The following DCDC2C variants were observed in gnomAD, a reference collection of about 807,000 sequenced individuals.
The protein encoded by DCDC2C is doublecortin domain containing 2C.
Under a neutral mutation model 45.0 loss-of-function variants are expected in DCDC2C, and 44 were observed. The ratio of observed to expected loss-of-function variants is 0.98; its 90% confidence interval spans 0.77 to 1.26. The LOEUF (loss-of-function observed/expected upper bound fraction) is 1.26, where lower values mean the gene tolerates loss of function less well. Among genes scored for constraint, DCDC2C ranks in the 50% most tolerant of loss-of-function variants. The pLI, the probability that DCDC2C is intolerant of heterozygous loss-of-function variation, is 0.00. For synonymous variants in DCDC2C, 187 were observed against 178.8 expected (o/e 1.05, Z -0.37); for missense variants, 447 against 468.9 (o/e 0.95, Z 0.43).
intron 8 of DCDC2C, among the ~76,000 whole-genome samples, chr2:3,777,880 C>T (rs1488523472): frequency 6.6e-6 from 1 of 152,254 alleles, no homozygotes; most frequent in African/African-American, 2.4e-5. Flanking sequence ...CTTCTCTGCC[C>T]ACTGTGACTC....
intron 7 of DCDC2C, 189 bp from the exon 8 acceptor site, chr2:3,769,122 G>A (rs1298617048): frequency 1.4e-5 from 8 of 564,648 alleles, no homozygotes; most frequent in Non-Finnish European, 1.6e-5. Flanking sequence ...TGAGCACCTT[G>A]GCAGATGCAA....
At chr2:3,833,551 A>T (rs1672002390) in intron 10 of DCDC2C, among the ~76,000 whole-genome samples, 1 of 152,130 alleles carries the variant, frequency 6.6e-6, no homozygotes, top group Non-Finnish European at 1.5e-5. Flanking sequence ...CTTTCAAAAT[A>T]TTGGCTCACC....
rs1001250843 is a variant in DCDC2C, at chr2:3,752,813, A to G, written c.596A>G (p.Asp199Gly). The stretch of plus-strand genomic sequence containing the variant: ...TTGGGCGACTCAAAGGATTTGCAAG[A>G]CAATCACTTTTATGTTGCTGTGGGA... ...HLLGDSKDLQ[D>G]NHFYVAVGLE... is the part of the protein sequence containing the mutation. Residue 199 changes from aspartate to glycine, a missense_variant, in exon 5 of 11, where the codon GAC becomes GGC. Asp to Gly is a moderately conservative substitution (Grantham distance 94). Coordinates refer to ENST00000399143, the MANE Select transcript of DCDC2C (RefSeq NM_001287444.2). The G allele has an allele frequency of 2.6e-6, 4 of 1,550,380 alleles. No homozygotes were observed. In the African/African-American group the frequency reaches 4.1e-5, roughly 16 times the overall value.
intron 10 of DCDC2C, among the ~76,000 whole-genome samples, chr2:3,799,530 G>A (rs1260554955): frequency 6.6e-5 from 10 of 152,034 alleles, no homozygotes; most frequent in Non-Finnish European, 1.5e-4. Flanking sequence ...TGATGGTGAT[G>A]TACAGATGGG....
intron 10 of DCDC2C, among the ~76,000 whole-genome samples, chr2:3,813,815 A>T (rs544095626): frequency 1.4e-5 from 2 of 147,722 alleles, no homozygotes; most frequent in South Asian, 2.1e-4. Flanking sequence ...GTCTTTGCAC[A>T]TGAGATAGGT....
At chr2:3,741,674 G>C (rs557110695) in intron 3 of DCDC2C, among the ~76,000 whole-genome samples, 2 of 151,226 alleles carry the variant, frequency 1.3e-5, no homozygotes, top group South Asian at 4.2e-4. Flanking sequence ...TGTGGTTTTC[G>C]TCTACAACAA....
chr2:3,774,225 C>T lies in DCDC2C; in HGVS notation c.955-4591C>T, dbSNP rs150118033. Among the ~76,000 whole-genome samples the T allele has an allele frequency of 9.7e-3, 1,477 of 152,304 alleles. 33 individuals carry two copies. The highest frequency in any genetic ancestry group is 0.034 in the African/African-American group (1,409 of 41,554). The stretch of plus-strand genomic sequence containing the variant: ...AACTCAGACGGAGGCCACTGAGATC[C>T]TTGGGGTGTTGGCTTTAATGAATAA... On this transcript the variant is annotated intron_variant, in intron 8 of 10. Transcript: ENST00000399143.
intron 10 of DCDC2C, among the ~76,000 whole-genome samples, chr2:3,841,509 T>C (rs941383880): frequency 1.4e-5 from 2 of 147,134 alleles, no homozygotes; most frequent in African/African-American, 2.5e-5. Flanking sequence ...GGAGTGCTTA[T>C]GTGTGGGACT....
chr2:3,814,877 A>C lies in DCDC2C; in HGVS notation c.1065+29777A>C, dbSNP rs115863148. On this transcript the variant is annotated intron_variant, in intron 10 of 10. Coordinates refer to ENST00000399143, the MANE Select transcript of DCDC2C (RefSeq NM_001287444.2). Reference sequence around the variant, plus strand: ...TAGGGGACAAGTCTTGGGACCAAGCATCCAGCTTCCCTGGCTCCATCAGGG... The same window carrying C: ...TAGGGGACAAGTCTTGGGACCAAGCCTCCAGCTTCCCTGGCTCCATCAGGG... Among the ~76,000 whole-genome samples the C allele has an allele frequency of 7.4e-3, 1,127 of 152,374 alleles. 13 individuals are homozygous for C. The highest frequency in any genetic ancestry group is 0.026 in the African/African-American group (1,082 of 41,592).
intron 6 of DCDC2C, 150 bp from the exon 7 acceptor site, chr2:3,767,604 T>A: frequency 2.5e-6 from 2 of 801,212 alleles, no homozygotes; most frequent in East Asian, 5.8e-5. Flanking sequence ...AGAGGTTGCA[T>A]TCGAAGTGAG....
chr2:3,778,521 TGGTGTCCCAA>T (rs1170387524), intron 8 of DCDC2C, among the ~76,000 whole-genome samples: 3 of 152,212 alleles, frequency 2.0e-5, no homozygotes, highest in African/African-American at 7.2e-5. Context: ...GGGGTCCTCA[TGGTGTCCCAA>T]GAATTACAAA....
At chr2:3,729,913 GAC>G (rs1668812554) in intron 3 of DCDC2C, among the ~76,000 whole-genome samples, 2 of 152,282 alleles carry the variant, frequency 1.3e-5, no homozygotes, top group African/African-American at 4.8e-5. Flanking sequence ...CAGGAGTTGG[GAC>G]AGAGTTGTCA....
intron 3 of DCDC2C, among the ~76,000 whole-genome samples, chr2:3,731,300 G>T (rs1443877767): frequency 6.6e-6 from 1 of 152,230 alleles, no homozygotes; most frequent in Non-Finnish European, 1.5e-5. Context: ...AGGACCAGCA[G>T]CTGGGGCAGC....
At chr2:3,808,834 G>T (rs148931418) in intron 10 of DCDC2C, among the ~76,000 whole-genome samples, 1 of 152,176 alleles carries the variant, frequency 6.6e-6, no homozygotes, top group East Asian at 1.9e-4. Flanking sequence ...CTAACCCAAA[G>T]TCTCAAAGAT....
intron 10 of DCDC2C, among the ~76,000 whole-genome samples, chr2:3,802,675 A>G (rs575741142): frequency 6.6e-6 from 1 of 152,306 alleles, no homozygotes; most frequent in African/African-American, 2.4e-5. Context: ...GGTCTCTTCT[A>G]GAAGGGGCTG....
intron 8 of DCDC2C, among the ~76,000 whole-genome samples, chr2:3,775,236 C>T (rs13027884): frequency 3.1e-5 from 2 of 64,106 alleles, no homozygotes; most frequent in African/African-American, 1.4e-4. Context: ...AGCTGTGGCT[C>T]TGAGCTAGGC....
At chr2:3,719,835 G>A (rs1668445445) in intron 2 of DCDC2C, among the ~76,000 whole-genome samples, 1 of 152,236 alleles carries the variant, frequency 6.6e-6, no homozygotes, top group African/African-American at 2.4e-5. Context: ...TCTCCTCCCT[G>A]TGGGTGCCTC....
rs190575427 is a variant in DCDC2C at position 3,706,046 on chromosome 2, T to C, written c.287+2008T>C. Among the ~76,000 whole-genome samples the C allele has an allele frequency of 4.6e-5, 7 of 152,256 alleles. No homozygotes were observed. In the East Asian group the frequency reaches 7.7e-4, roughly 17 times the overall value. ...TTTTTTTAGGTCAGTGAGTCTGAAATTGGAATTCAGACTTTGGTGAACAAA... is the reference window on the plus strand; with the variant it reads ...TTTTTTTAGGTCAGTGAGTCTGAAACTGGAATTCAGACTTTGGTGAACAAA... On this transcript the variant is annotated intron_variant, in intron 1 of 10. Transcript: ENST00000399143.
At chr2:3,754,163 C>A (rs1669618665) in intron 5 of DCDC2C, among the ~76,000 whole-genome samples, 1 of 152,196 alleles carries the variant, frequency 6.6e-6, no homozygotes, top group Admixed American at 6.5e-5. Context: ...AGGCCACATG[C>A]AATCACTCAG....
Sources: gnomAD v4.1 joint callset for allele counts (sites outside exome capture counted in the v4.1 genomes callset) on GRCh38, gnomAD v4.1.1 for gene constraint, MANE v1.5 for transcripts, NCBI Gene and HGNC (gene_info 2026-07-23, HGNC 2026-07-21) for gene names.